DYRK1B: variants seen among roughly 807,000 people sequenced by gnomAD.
DYRK1B encodes dual specificity tyrosine phosphorylation regulated kinase 1B, also known as dual specificity tyrosine-phosphorylation-regulated kinase 1B.
In DYRK1B, 20 loss-of-function variants were observed where a neutral mutation model predicts 57.1. The observed-to-expected ratio is 0.35, with a 90% confidence interval of 0.25 to 0.51. The LOEUF (loss-of-function observed/expected upper bound fraction) is 0.51, where lower values mean the gene tolerates loss of function less well. DYRK1B is among the 20% of genes least tolerant of loss of function. The pLI is 0.96. For synonymous variants in DYRK1B, 409 were observed against 384.7 expected (o/e 1.06, Z -0.74); for missense variants, 732 against 886.3 (o/e 0.83, Z 2.21).
intron 1 of DYRK1B, chr19:39,832,920 C>T (rs1968887352): frequency 1.0e-6 from 1 of 985,030 alleles, no homozygotes; most frequent in South Asian, 4.7e-5. Flanking sequence ...CCCTACACTG[C>T]TTCCTTGCCC....
At chr19:39,829,857 G>A in intron 5 of DYRK1B, 23 bp downstream of exon 5, 1 of 1,609,868 alleles carries the variant, frequency 6.2e-7, no homozygotes, top group Non-Finnish European at 8.5e-7. Flanking sequence ...GGTGCCCACA[G>A]CCCTGCCAGT....
chr19:39,833,403 G>A (rs1453011219), intron 1 of DYRK1B: 1 of 970,024 alleles, frequency 1.0e-6, no homozygotes, highest in South Asian at 4.8e-5. Flanking sequence ...CCGGCCCCGC[G>A]GCGGGGAGGG....
chr19:39,833,164 G>A, intron 1 of DYRK1B: 3 of 985,644 alleles, frequency 3.0e-6, no homozygotes, highest in Non-Finnish European at 3.6e-6. Flanking sequence ...TCCATGCCTT[G>A]CCACTCCACG....
chr19:39,829,386 C>T (rs1017341094), intron 5 of DYRK1B, among the ~76,000 whole-genome samples: 2 of 152,092 alleles, frequency 1.3e-5, no homozygotes, highest in South Asian at 2.1e-4. Flanking sequence ...ACCACCACAT[C>T]AAGCTAATTT....
Position 39,825,626 on chromosome 19 carries a change from C to A in DYRK1B, c.*89G>T. ...CACCCCAGCTGGGTAGCAGCAATTCCAGTCAAGGAGAGAGATGAGGATGGG... is the reference window on the plus strand; with the variant it reads ...CACCCCAGCTGGGTAGCAGCAATTCAAGTCAAGGAGAGAGATGAGGATGGG... On this transcript the variant is annotated 3_prime_UTR_variant, in exon 11 of 11. Coordinates refer to ENST00000323039, the MANE Select transcript of DYRK1B (RefSeq NM_004714.3). The A allele has an allele frequency of 7.3e-7, 1 of 1,376,984 alleles. No individual in the cohort carries two copies. The highest frequency in any genetic ancestry group is 9.9e-7 in the Non-Finnish European group (1 of 1,008,682). 85.3% of individuals were successfully genotyped at this position (1,376,984 alleles called of 1,614,324 possible).
Position 39,828,691 on chromosome 19 carries a change from C to T in DYRK1B, c.521-108G>A, listed in dbSNP as rs1968660389. The T allele has an allele frequency of 3.6e-6, 4 of 1,120,054 alleles. No individual in the cohort carries two copies. Among genetic ancestry groups the T allele is most frequent in the Non-Finnish European group, 5.0e-6 (4 of 792,618 alleles). 69.4% of individuals were successfully genotyped at this position (1,120,054 alleles called of 1,614,324 possible). On this transcript the variant is annotated intron_variant, in intron 5 of 10. Transcript: ENST00000323039. The surrounding 1 kb of genome is among the most constrained non-coding windows in gnomAD (Gnocchi z 4.3). ...TGATTACTAGCCACATTGTGCTGTC[C>T]CCACGGGTACCATCTGCTAGTCAAA...
At position 39,826,077 on chromosome 19, in the gene DYRK1B, A is replaced by T. The variant is rs757557268; in HGVS notation, c.1528T>A (p.Ser510Thr). The stretch of plus-strand genomic sequence containing the variant: ...CCTGCCCAGGGCCGCAGCGGCTGGG[A>T]GGGTGGGACCTAAAAAAGCAAAGGA... ...CEMNSPQVPP[S>T]QPLRPWAGGD... is the part of the protein sequence containing the mutation. The change falls in exon 11 of 11, where the codon TCC becomes ACC. Residue 510 changes from serine (S) to threonine (T), a missense_variant. Physicochemically the swap from Ser to Thr is moderately conservative, Grantham distance 58. Coordinates refer to ENST00000323039, the MANE Select transcript of DYRK1B (RefSeq NM_004714.3). This position sits in a 1 kb window ranked among gnomAD's most constrained non-coding sequence, Gnocchi z 6.3. The T allele has an allele frequency of 2.6e-6, 4 of 1,520,726 alleles. No homozygotes were observed. Among genetic ancestry groups the T allele is most frequent in the Non-Finnish European group, 3.5e-6 (4 of 1,138,622 alleles). The allele number at this position is 1,520,726 out of a possible 1,614,324, so 94.2% of individuals were successfully genotyped here.
In DYRK1B at chr19:39,826,405, GC is replaced by G; in HGVS notation, c.1412-120del. ...CTCAGGTTCAGGCTTCAAGAGCAGAGCCCATCTGAAGCACCGGGCCCAATTC... is the reference window on the plus strand; with the variant it reads ...CTCAGGTTCAGGCTTCAAGAGCAGAGCCATCTGAAGCACCGGGCCCAATTC... On this transcript the variant is annotated intron_variant, in intron 9 of 10. Coordinates refer to ENST00000323039, the MANE Select transcript of DYRK1B (RefSeq NM_004714.3). This position sits in a 1 kb window ranked among gnomAD's most constrained non-coding sequence, Gnocchi z 6.3. 1 of 915,368 alleles carries G rather than the reference GC, an allele frequency of 1.1e-6. No homozygotes were observed. Among genetic ancestry groups the G allele is most frequent in the Non-Finnish European group, 1.6e-6 (1 of 628,532 alleles). 56.7% of individuals were successfully genotyped at this position (915,368 alleles called of 1,614,324 possible).
At chr19:39,827,014 G>GGGC in intron 8 of DYRK1B, 27 bp from the exon 9 acceptor site, 20 of 419,570 alleles carry the variant, frequency 4.8e-5, no homozygotes, top group Non-Finnish European at 8.2e-5. Flanking sequence ...GGGAGGGGGG[G>GGGC]CAAGAGAGTG....
Position 39,830,074 on chromosome 19 carries a change from G to C in DYRK1B, c.373-47C>G, listed in dbSNP as rs765204866. 4.4e-6 allele frequency: 7 copies of C among 1,600,626 alleles called. No homozygotes were observed. The Admixed American group carries it at 1.2e-4, about 28-fold the overall frequency. ...CGAAGAAAGGGGTGGGAGCAGGGCA[G>C]AGCCAGGCACCATTCTTCTCCCTCC... is the stretch of plus-strand genomic sequence containing the variant. On this transcript the variant is annotated intron_variant, in intron 4 of 10. Transcript: ENST00000323039.
At chr19:39,830,887 T>C (rs1431394681) in intron 2 of DYRK1B, 104 bp from the exon 3 acceptor site, 2 of 1,349,738 alleles carry the variant, frequency 1.5e-6, no homozygotes, top group Non-Finnish European at 2.0e-6. Flanking sequence ...TTGGTTGCTG[T>C]CTGTATTTGT....
At chr19:39,832,885 A>T in intron 1 of DYRK1B, 2 of 983,638 alleles carry the variant, frequency 2.0e-6, no homozygotes, top group Non-Finnish European at 1.2e-6. Context: ...CTCTTCCCAC[A>T]GTTTAGAGTG....
rs1409770889 is a variant in DYRK1B, at chr19:39,825,707, G to A, written c.*8C>T. On this transcript the variant is annotated 3_prime_UTR_variant, in exon 11 of 11. Coordinates refer to ENST00000323039, the MANE Select transcript of DYRK1B (RefSeq NM_004714.3). ...GGCTTCAGGAGGGGCCCCAGGGAGG[G>A]GGCAGGGTCACGAGCTGGCTGCTGT... The A allele has an allele frequency of 8.4e-6, 13 of 1,546,786 alleles. No homozygotes were observed. The highest frequency in any genetic ancestry group is 1.1e-5 in the Non-Finnish European group (13 of 1,147,246).
intron 2 of DYRK1B, among the ~76,000 whole-genome samples, 173 bp from the exon 3 acceptor site, chr19:39,830,956 A>G (rs926790016): frequency 1.3e-5 from 2 of 152,080 alleles, no homozygotes; most frequent in African/African-American, 4.8e-5. Flanking sequence ...TTCTTACTAT[A>G]CCTCCAGTGC....
chr19:39,827,622 G>A lies in DYRK1B; in HGVS notation c.842C>T (p.Ser281Leu), dbSNP rs770847832. Residue 281 changes from serine (S) to leucine (L), a missense_variant, in exon 7 of 11, where the codon TCA becomes TTA. Coordinates refer to ENST00000323039, the MANE Select transcript of DYRK1B (RefSeq NM_004714.3). ...YQYIQSRFYR[S>L]PEVLLGTPYD... ...GGGTGTGCCCAGGAGCACCTCAGGT[G>A]AGCGGTAGAAGCGGCTCTGGATATA... The A allele has an allele frequency of 1.9e-6, 3 of 1,614,090 alleles. No individual in the cohort carries two copies. Among genetic ancestry groups the A allele is most frequent in the African/African-American group, 1.3e-5 (1 of 75,054 alleles).
At chr19:39,832,537 C>A (rs1431641404) in intron 1 of DYRK1B, among the ~76,000 whole-genome samples, 1 of 152,138 alleles carries the variant, frequency 6.6e-6, no homozygotes, top group Non-Finnish European at 1.5e-5. Context: ...GTCTTCCCCT[C>A]CCAAACCACA....
intron 1 of DYRK1B, chr19:39,833,364 G>A: frequency 2.0e-6 from 2 of 985,390 alleles, no homozygotes; most frequent in Non-Finnish European, 2.4e-6. Context: ...TGGCGGCGCT[G>A]AAAAGGCGAC....
chr19:39,830,621 A>G, intron 3 of DYRK1B, 43 bp downstream of exon 3: 1 of 1,613,194 alleles, frequency 6.2e-7, no homozygotes, highest in South Asian at 1.1e-5. Context: ...CCAGCAGACA[A>G]GACCCTCGGC....
At chr19:39,832,934 TACACAC>T in intron 1 of DYRK1B, 2 of 959,192 alleles carry the variant, frequency 2.1e-6, no homozygotes, top group East Asian at 1.2e-4. Context: ...CTTGCCCCCC[TACACAC>T]ACACACACAC....
Sources: gnomAD v4.1 joint callset for allele counts (sites outside exome capture counted in the v4.1 genomes callset) on GRCh38, gnomAD v4.1.1 for gene constraint, Gnocchi (gnomAD v3.1) non-coding constraint, MANE v1.5 for transcripts, NCBI Gene and HGNC (gene_info 2026-07-23, HGNC 2026-07-21) for gene names.